AASDHPPT: variants seen among roughly 807,000 people sequenced by gnomAD.
AASDHPPT encodes aminoadipate-semialdehyde dehydrogenase-phosphopantetheinyl transferase, also known as L-aminoadipate-semialdehyde dehydrogenase-phosphopantetheinyl transferase.
Under a neutral mutation model 36.4 loss-of-function variants are expected in AASDHPPT, and 23 were observed. That is an observed-to-expected ratio of 0.63 (90% CI 0.45 to 0.89). The LOEUF (loss-of-function observed/expected upper bound fraction) is 0.89, where lower values mean the gene tolerates loss of function less well. Ranked by LOEUF, AASDHPPT falls within the 40% of genes least tolerant of loss-of-function variation. The pLI is 0.00. For missense variants in AASDHPPT, 377 were observed against 378.2 expected (o/e 1.00, Z 0.03); for synonymous variants, 115 against 128.0 (o/e 0.90, Z 0.68).
At chr11:106,083,063 G>A (rs1471251800) in intron 2 of AASDHPPT, among the ~76,000 whole-genome samples, 2 of 151,776 alleles carry the variant, frequency 1.3e-5, no homozygotes, top group African/African-American at 2.4e-5. Context: ...ATGCACTTGG[G>A]ATTTAAAACC....
rs116058639 is a variant in AASDHPPT, at chr11:106,096,820, C to T, written c.843C>T (p.Ala281=). ...ILNFNDLMSS[A]VPMTPEDPSF... ...ACTTTAATGATTTAATGTCATCTGC[C>T]GTTCCCATGACACCTGAAGATCCTT... is the stretch of plus-strand genomic sequence containing the variant. Residue 281 remains alanine, a synonymous_variant, in exon 6 of 6, where the codon GCC becomes GCT. Transcript: ENST00000278618. 1,011 of 1,610,950 alleles carry T rather than the reference C, an allele frequency of 6.3e-4. 8 individuals are homozygous for T. In the African/African-American group the frequency reaches 0.01, roughly 16 times the overall value.
intron 1 of AASDHPPT, 119 bp downstream of exon 1, chr11:106,078,012 G>A: frequency 7.8e-7 from 1 of 1,279,374 alleles, no homozygotes. Flanking sequence ...TGGAGCCTGT[G>A]GCCGGCCCGG....
In AASDHPPT at chr11:106,085,587, A is replaced by T. The variant is rs575559027; in HGVS notation, c.410-4970A>T. On this transcript the variant is annotated intron_variant, in intron 2 of 5. Transcript: ENST00000278618. ...ACAGACAAAGGTTAATGTTGTTAAG[A>T]TATGAAATGCCCCTCTAAATATCGA... Among the ~76,000 whole-genome samples, 10 of 152,380 alleles carry T rather than the reference A, an allele frequency of 6.6e-5. No homozygotes were observed. In the East Asian group the frequency reaches 1.2e-3, roughly 18 times the overall value.
At chr11:106,094,787 T>A (rs1467394355) in intron 5 of AASDHPPT, 133 bp downstream of exon 5, 4 of 560,980 alleles carry the variant, frequency 7.1e-6, no homozygotes, top group Non-Finnish European at 1.2e-5. Flanking sequence ...ATAGTAGTAC[T>A]CTTTATTAGC....
rs149825885 is a variant in AASDHPPT, at chr11:106,077,850, G to A, written c.140G>A (p.Arg47His). Residue 47 changes from arginine to histidine, a missense_variant, in exon 1 of 6, where the codon CGC becomes CAC. Physicochemically the swap from Arg to His is conservative, Grantham distance 29. Coordinates refer to ENST00000278618, the MANE Select transcript of AASDHPPT (RefSeq NM_015423.3). ...VRSIQPEEKE[R>H]IGQFVFARDA... is the part of the protein sequence containing the mutation. ...TCGATTCAGCCCGAGGAGAAGGAGCGCATTGGCCAGTTCGTCTTTGCCCGG... is the reference window on the plus strand; with the variant it reads ...TCGATTCAGCCCGAGGAGAAGGAGCACATTGGCCAGTTCGTCTTTGCCCGG... The A allele has an allele frequency of 1.2e-4, 187 of 1,614,078 alleles. No individual in the cohort carries two copies. The highest frequency in any genetic ancestry group is 3.3e-5 in the Admixed American group (2 of 60,010).
At position 106,091,522 on chromosome 11, in the gene AASDHPPT, T is replaced by G. The variant is rs750884151; in HGVS notation, c.693+45T>G. 9.8e-6 allele frequency: 15 copies of G among 1,527,040 alleles called. No individual in the cohort carries two copies. The African/African-American group carries it at 1.4e-4, about 14-fold the overall frequency. The allele number at this position is 1,527,040 out of a possible 1,614,324, so 94.6% of individuals were successfully genotyped here. On this transcript the variant is annotated intron_variant, in intron 4 of 5. Transcript: ENST00000278618. ...TGTTAAAACTAAGAATTTCTATTTT[T>G]TATGCATGTATGTGTGATTAATTTG...
At chr11:106,092,837 G>C (rs1225656607) in intron 4 of AASDHPPT, 1 of 152,162 alleles carries the variant, frequency 6.6e-6, no homozygotes, top group South Asian at 2.1e-4. Flanking sequence ...CTTTGTGTTA[G>C]ATGATTTCGC....
At position 106,077,730 on chromosome 11, in the gene AASDHPPT, G is replaced by T. The variant is rs954125733; in HGVS notation, c.20G>T (p.Arg7Leu). 6.2e-7 allele frequency: 1 copy of T among 1,613,750 alleles called. No homozygotes were observed. Among genetic ancestry groups the T allele is most frequent in the African/African-American group, 1.3e-5 (1 of 74,924 alleles). MVFPAK[R>L]FCLVPSMEGV... ...CAGTGTATGGTTTTCCCTGCCAAAC[G>T]GTTCTGCTTGGTGCCATCCATGGAG... is the stretch of plus-strand genomic sequence containing the variant. Residue 7 changes from arginine (R) to leucine (L), a missense_variant, in exon 1 of 6, where the codon CGG becomes CTG. Arg to Leu is a moderately radical substitution (Grantham distance 102, BLOSUM62 -2). Coordinates refer to ENST00000278618, the MANE Select transcript of AASDHPPT (RefSeq NM_015423.3).
chr11:106,082,808 G>C lies in AASDHPPT; in HGVS notation c.409+3116G>C, dbSNP rs188390101. 7.6e-4 allele frequency among the ~76,000 whole-genome samples: 115 copies of C among 152,096 alleles called. 1 individual carries two copies. The highest frequency in any genetic ancestry group is 2.7e-3 in the African/African-American group (110 of 41,486). ...TTATTACCCTCTTTTGGAAAATTTTGGTTGGTTTTCCCTTTGTTTTCTAAT... is the reference window on the plus strand; with the variant it reads ...TTATTACCCTCTTTTGGAAAATTTTCGTTGGTTTTCCCTTTGTTTTCTAAT... On this transcript the variant is annotated intron_variant, in intron 2 of 5. Transcript: ENST00000278618.
At chr11:106,088,212 T>C (rs1327326046) in intron 2 of AASDHPPT, among the ~76,000 whole-genome samples, 2 of 152,136 alleles carry the variant, frequency 1.3e-5, no homozygotes, top group African/African-American at 4.8e-5. Flanking sequence ...GCCAGATTGA[T>C]TGCCTTTTAT....
chr11:106,096,572 T>A (rs150612842), intron 5 of AASDHPPT, 171 bp from the exon 6 acceptor site: 1 of 459,264 alleles, frequency 2.2e-6, no homozygotes, highest in East Asian at 3.6e-5. Context: ...TTTTTTGATT[T>A]GTTGTATTGG....
chr11:106,079,527 A>T lies in AASDHPPT; in HGVS notation c.244A>T (p.Ile82Phe). Residue 82 changes from isoleucine to phenylalanine, a missense_variant, in exon 2 of 6, where the codon ATT becomes TTT. Physicochemically the swap from Ile to Phe is conservative, Grantham distance 21. Coordinates refer to ENST00000278618, the MANE Select transcript of AASDHPPT (RefSeq NM_015423.3). Reference protein sequence around the residue: ...AEKLNIPWNHIRLQRTAKGKP... With the variant: ...AEKLNIPWNHFRLQRTAKGKP... ...GAAATTGAATATCCCTTGGAATCAT[A>T]TTCGTTTGCAAAGAACTGCAAAAGG... 6.2e-7 allele frequency: 1 copy of T among 1,614,160 alleles called. No homozygotes were observed. The highest frequency in any genetic ancestry group is 8.5e-7 in the Non-Finnish European group (1 of 1,179,998).
intron 2 of AASDHPPT, among the ~76,000 whole-genome samples, chr11:106,084,715 T>C (rs1312862688): frequency 6.6e-6 from 1 of 152,016 alleles, no homozygotes; most frequent in Non-Finnish European, 1.5e-5. Flanking sequence ...CTGCAAGCTC[T>C]GCCTCCTGGG....
chr11:106,093,634 C>T (rs1861279328), intron 4 of AASDHPPT: 1 of 152,082 alleles, frequency 6.6e-6, no homozygotes, highest in African/African-American at 2.4e-5. Flanking sequence ...AAAAAGCTCC[C>T]TAAGTACTAT....
intron 2 of AASDHPPT, among the ~76,000 whole-genome samples, chr11:106,089,778 G>T (rs1251764903): frequency 6.6e-6 from 1 of 151,808 alleles, no homozygotes; most frequent in Non-Finnish European, 1.5e-5. Context: ...CTTACCCCTT[G>T]GTTCTGGGAA....
rs959600737 is a variant in AASDHPPT at position 106,098,529 on chromosome 11, T to A, written c.*1622T>A. 1 of 124,818 alleles carries A rather than the reference T, an allele frequency of 8.0e-6. No homozygotes were observed. The highest frequency in any genetic ancestry group is 2.8e-5 in the African/African-American group (1 of 35,430). The allele number at this position is 124,818 out of a possible 1,614,324, so 7.7% of individuals were successfully genotyped here. A position where few individuals can be genotyped will look rare whatever the true frequency, so the allele number is the denominator to read the frequency against. On this transcript the variant is annotated 3_prime_UTR_variant, in exon 6 of 6. Transcript: ENST00000278618. ...AAAAGAAAAAAATTTGAATGTTTTT[T>A]TTTTTTATTTTATTAAGCATGCCCA...
chr11:106,085,290 A>T (rs1034256477), intron 2 of AASDHPPT, among the ~76,000 whole-genome samples: 2 of 151,816 alleles, frequency 1.3e-5, no homozygotes, highest in Non-Finnish European at 2.9e-5. Context: ...TTTAGTAGAG[A>T]TGGGGTTTCA....
At chr11:106,090,829 G>T (rs1861248086) in intron 3 of AASDHPPT, 151 bp downstream of exon 3, 3 of 1,089,994 alleles carry the variant, frequency 2.8e-6, no homozygotes, top group Admixed American at 6.7e-5. Flanking sequence ...TATGCATATG[G>T]TATTACATTA....
chr11:106,095,335 C>T (rs1238243257), intron 5 of AASDHPPT, among the ~76,000 whole-genome samples: 4 of 151,996 alleles, frequency 2.6e-5, no homozygotes, highest in Admixed American at 2.6e-4. Flanking sequence ...ATGGAATTAC[C>T]TTGCAAATTG....
Sources: gnomAD v4.1 joint callset for allele counts (sites outside exome capture counted in the v4.1 genomes callset) on GRCh38, gnomAD v4.1.1 for gene constraint, MANE v1.5 for transcripts, NCBI Gene and HGNC (gene_info 2026-07-23, HGNC 2026-07-21) for gene names.